The following EYA4 variants were observed in gnomAD, a reference collection of about 807,000 sequenced individuals.
EYA4 encodes EYA transcriptional coactivator and phosphatase 4, also known as protein phosphatase EYA4.
EYA4 carries 31 observed loss-of-function variants against 87.9 expected under a neutral mutation model. That is an observed-to-expected ratio of 0.35 (90% CI 0.27 to 0.48). EYA4 has a LOEUF of 0.48. EYA4 is among the 20% of genes least tolerant of loss of function. The pLI, the probability that EYA4 is intolerant of heterozygous loss-of-function variation, is 0.99. For missense variants in EYA4, 678 were observed against 761.4 expected, an observed-to-expected ratio of 0.89 and a Z score of 1.29; for synonymous variants, 263 against 270.6, an observed-to-expected ratio of 0.97 and a Z score of 0.28.
chr6:133,402,778 C>T (rs905623298), intron 3 of EYA4, among the ~76,000 whole-genome samples: 15 of 152,070 alleles, frequency 9.9e-5, no homozygotes, highest in African/African-American at 3.4e-4. Flanking sequence ...AAAAGAATAA[C>T]AGAATGAATC....
chr6:133,321,800 G>A (rs751462304), intron 2 of EYA4, among the ~76,000 whole-genome samples: 1 of 152,110 alleles, frequency 6.6e-6, no homozygotes, highest in Non-Finnish European at 1.5e-5. Flanking sequence ...GGGAAAATGA[G>A]CACCACACGA....
chr6:133,411,974 A>G (rs958475283), intron 3 of EYA4, among the ~76,000 whole-genome samples: 4 of 152,250 alleles, frequency 2.6e-5, no homozygotes, highest in Non-Finnish European at 5.9e-5. Flanking sequence ...TTCTTGTCTC[A>G]TGCCTGTCAG....
chr6:133,526,135 C>G (rs986110609), intron 19 of EYA4, among the ~76,000 whole-genome samples: 3 of 152,144 alleles, frequency 2.0e-5, no homozygotes, highest in African/African-American at 7.2e-5. Context: ...CCCCCACCAC[C>G]AGACTGTCAA....
At chr6:133,243,316 C>T (rs987532484) in intron 1 of EYA4, among the ~76,000 whole-genome samples, 3 of 152,152 alleles carry the variant, frequency 2.0e-5, no homozygotes, top group African/African-American at 7.2e-5. Flanking sequence ...TGGCTTGGCA[C>T]CCTGGGATCA....
chr6:133,381,009 C>T (rs1583117912), intron 2 of EYA4, among the ~76,000 whole-genome samples: 1 of 149,184 alleles, frequency 6.7e-6, no homozygotes, highest in South Asian at 2.2e-4. Flanking sequence ...TTTTCCTCAT[C>T]CCCTCCTCCT....
chr6:133,333,311 C>T (rs2128389229), intron 2 of EYA4, among the ~76,000 whole-genome samples: 1 of 152,286 alleles, frequency 6.6e-6, no homozygotes, highest in East Asian at 1.9e-4. Context: ...ATCTGTCAGA[C>T]ACTTGAAGGA....
chr6:133,419,328 G>A (rs79171374), intron 3 of EYA4, among the ~76,000 whole-genome samples: 7,807 of 152,182 alleles, frequency 0.051, 584 homozygotes, highest in African/African-American at 0.16. Context: ...CCCTTTGCAA[G>A]TCAATTGTGA....
In EYA4 at chr6:133,512,769, C is replaced by A; in HGVS notation, c.1330C>A (p.Gln444Lys). The A allele has an allele frequency of 7.4e-6, 12 of 1,613,068 alleles. No homozygotes were observed. Among genetic ancestry groups the A allele is most frequent in the Non-Finnish European group, 1.0e-5 (12 of 1,178,986 alleles). Residue 444 changes from glutamine (Q) to lysine (K), a missense_variant, in exon 15 of 20, where the codon CAG (glutamine) becomes AAG (lysine). Gln to Lys is a moderately conservative substitution (Grantham distance 53). Transcript: ENST00000355286. Reference sequence around the variant, plus strand: ...TGATGTTTCCTCTGATGATAATGGGCAGGACTTAAGGTAAGCTATGCCTTT... The same window carrying A: ...TGATGTTTCCTCTGATGATAATGGGAAGGACTTAAGGTAAGCTATGCCTTT... ...IDDVSSDDNG[Q>K]DLSTYSFATD...
At chr6:133,362,544 A>G (rs374551809) in intron 2 of EYA4, among the ~76,000 whole-genome samples, 1 of 152,212 alleles carries the variant, frequency 6.6e-6, no homozygotes, top group East Asian at 1.9e-4. Flanking sequence ...CAATTGAAAC[A>G]GACTCCTTAA....
At chr6:133,275,476 A>G (rs182112859) in intron 2 of EYA4, among the ~76,000 whole-genome samples, 39 of 151,658 alleles carry the variant, frequency 2.6e-4, no homozygotes, top group Admixed American at 7.2e-4. Context: ...TTGCATACGG[A>G]CAACTCATGA....
intron 6 of EYA4, among the ~76,000 whole-genome samples, chr6:133,460,207 T>A (rs1794256754): frequency 6.6e-6 from 1 of 152,120 alleles, no homozygotes; most frequent in Non-Finnish European, 1.5e-5. Flanking sequence ...GTGTACTACT[T>A]TAATCTTTTT....
At chr6:133,489,956 T>C (rs1797002557) in intron 13 of EYA4, among the ~76,000 whole-genome samples, 1 of 148,796 alleles carries the variant, frequency 6.7e-6, no homozygotes, top group Non-Finnish European at 1.5e-5. Context: ...ACTGACAACT[T>C]TTCAAGACAT....
chr6:133,432,605 A>G lies in EYA4; in HGVS notation c.84-14025A>G, dbSNP rs545070592. 5.9e-4 allele frequency among the ~76,000 whole-genome samples: 90 copies of G among 151,802 alleles called. 2 individuals are homozygous for G. Among genetic ancestry groups the G allele is most frequent in the African/African-American group, 2.1e-3 (87 of 41,360 alleles). On this transcript the variant is annotated intron_variant, in intron 3 of 19. Transcript: ENST00000355286. ...ACATGAATCGTACACAACTTCAACC[A>G]TTGCTTGCTATGGAGTGGAACTTTA...
At chr6:133,296,563 G>A (rs1778961414) in intron 2 of EYA4, among the ~76,000 whole-genome samples, 1 of 152,126 alleles carries the variant, frequency 6.6e-6, no homozygotes, top group Non-Finnish European at 1.5e-5. Context: ...TAAGCTGATG[G>A]TGGATGTGGG....
At chr6:133,445,350 A>G (rs1416374361) in intron 3 of EYA4, among the ~76,000 whole-genome samples, 3 of 152,214 alleles carry the variant, frequency 2.0e-5, no homozygotes, top group African/African-American at 7.2e-5. Flanking sequence ...ATATTTACCT[A>G]TATATTTACA....
intron 3 of EYA4, among the ~76,000 whole-genome samples, chr6:133,401,844 G>T (rs949321877): frequency 2.6e-5 from 4 of 152,252 alleles, no homozygotes; most frequent in Non-Finnish European, 5.9e-5. Context: ...CCCCTCTCAG[G>T]ATCATTAGCA....
rs543835016 is a variant in EYA4 at position 133,446,621 on chromosome 6, C to G, written c.84-9C>G. ...TTCAACTTTTCTCTGCTGCTTACTG[C>G]TCTACCAGGTCTATGGAAATGCAGG... On this transcript the variant is annotated splice_polypyrimidine_tract_variant and intron_variant, in intron 3 of 19. Coordinates refer to ENST00000355286, the MANE Select transcript of EYA4 (RefSeq NM_004100.5). 1.4e-5 allele frequency: 22 copies of G among 1,613,834 alleles called. No homozygotes were observed. In the South Asian group the frequency reaches 2.4e-4, roughly 18 times the overall value.
At chr6:133,282,771 A>G (rs948945663) in intron 2 of EYA4, among the ~76,000 whole-genome samples, 20 of 152,166 alleles carry the variant, frequency 1.3e-4, no homozygotes, top group Non-Finnish European at 2.8e-4. Context: ...TTGGAAAAGT[A>G]ATGTTATCAA....
chr6:133,510,358 T>C (rs931216312), intron 14 of EYA4: 4 of 199,838 alleles, frequency 2.0e-5, no homozygotes, highest in African/African-American at 9.3e-5. Flanking sequence ...GGCAACTTCA[T>C]GTGACACCAT....
Sources: gnomAD v4.1 joint callset for allele counts (sites outside exome capture counted in the v4.1 genomes callset) on GRCh38, gnomAD v4.1.1 for gene constraint, MANE v1.5 for transcripts, NCBI Gene and HGNC (gene_info 2026-07-23, HGNC 2026-07-21) for gene names.